NUMB: variants seen among roughly 807,000 people sequenced by gnomAD.
The protein encoded by NUMB is protein numb homolog.
In NUMB, 29 loss-of-function variants were observed where a neutral mutation model predicts 59.7. The observed-to-expected ratio is 0.49, with a 90% CI of 0.36 to 0.66. The LOEUF (loss-of-function observed/expected upper bound fraction) is 0.66, where lower values mean the gene tolerates loss of function less well. Ranked by LOEUF, NUMB falls within the 30% of genes least tolerant of loss-of-function variation. The probability of loss-of-function intolerance (pLI) is 0.00; values close to 1 mark genes in which losing one functional copy is unlikely to be tolerated. For missense variants in NUMB, 723 were observed against 822.0 expected, an observed-to-expected ratio of 0.88 and a Z score of 1.47; for synonymous variants, 288 against 288.2, an observed-to-expected ratio of 1.00 and a Z score of 0.01.
intron 4 of NUMB, among the ~76,000 whole-genome samples, chr14:73,350,074 TACATACACACACAC>T (rs1311477515): frequency 7.6e-6 from 1 of 131,060 alleles, no homozygotes; most frequent in Non-Finnish European, 1.6e-5. Flanking sequence ...CATACATACA[TACATACACACACAC>T]ACACACACAC....
intron 2 of NUMB, among the ~76,000 whole-genome samples, chr14:73,391,806 CT>C (rs1212681830): frequency 2.6e-5 from 4 of 152,210 alleles, no homozygotes; most frequent in Non-Finnish European, 5.9e-5. Flanking sequence ...TTCTGGCAAT[CT>C]CATTAAATGT....
chr14:73,393,333 A>T (rs1019718124), intron 2 of NUMB, among the ~76,000 whole-genome samples: 1 of 152,100 alleles, frequency 6.6e-6, no homozygotes, highest in South Asian at 2.1e-4. Context: ...TAAGGGGGCT[A>T]TCATTCCAAT....
chr14:73,375,019 T>C (rs1249799661), intron 2 of NUMB, among the ~76,000 whole-genome samples: 2 of 152,198 alleles, frequency 1.3e-5, no homozygotes, highest in Admixed American at 1.3e-4. Flanking sequence ...AGAAACCTTG[T>C]TCTTCTAACC....
At chr14:73,422,922 A>C (rs957049511) in intron 1 of NUMB, among the ~76,000 whole-genome samples, 15 of 151,926 alleles carry the variant, frequency 9.9e-5, no homozygotes, top group Non-Finnish European at 1.3e-4. Flanking sequence ...AAAAAAAAAA[A>C]AAACTGTTAT....
chr14:73,389,162 T>C (rs1010008607), intron 2 of NUMB, among the ~76,000 whole-genome samples: 2 of 147,302 alleles, frequency 1.4e-5, no homozygotes, highest in African/African-American at 5.0e-5. Context: ...TCCCAGCTAC[T>C]TGAGAAGCTG....
At chr14:73,282,316 C>T (rs778156162) in intron 11 of NUMB, 43 bp downstream of exon 11, 3 of 1,603,112 alleles carry the variant, frequency 1.9e-6, no homozygotes, top group Non-Finnish European at 2.6e-6. Flanking sequence ...ACTAAAAGTA[C>T]TGGTTGTAAA....
chr14:73,359,055 T>C (rs1225721680), intron 3 of NUMB, among the ~76,000 whole-genome samples: 1 of 152,226 alleles, frequency 6.6e-6, no homozygotes. Context: ...CAGCTATTTA[T>C]TGTTGTACCA....
chr14:73,393,738 ATC>A (rs1265969884), intron 2 of NUMB, among the ~76,000 whole-genome samples: 7 of 152,204 alleles, frequency 4.6e-5, no homozygotes, highest in Non-Finnish European at 8.8e-5. Context: ...CTGGCTCCTA[ATC>A]TAATAAAAGT....
At chr14:73,406,094 T>TG (rs1555379358) in intron 2 of NUMB, among the ~76,000 whole-genome samples, 1 of 112,516 alleles carries the variant, frequency 8.9e-6, no homozygotes. Flanking sequence ...ATATTTTTGT[T>TG]TTTTTTTTTT....
chr14:73,426,664 T>C (rs999121412), intron 1 of NUMB, among the ~76,000 whole-genome samples: 5 of 152,034 alleles, frequency 3.3e-5, no homozygotes, highest in African/African-American at 4.8e-5. Flanking sequence ...CTGACTAATA[T>C]GGTGAAACCC....
chr14:73,395,797 T>C (rs1033820107), intron 2 of NUMB, among the ~76,000 whole-genome samples: 9 of 152,110 alleles, frequency 5.9e-5, no homozygotes, highest in African/African-American at 1.9e-4. Context: ...AATGCATAGT[T>C]TTTCCTGTGT....
intron 1 of NUMB, among the ~76,000 whole-genome samples, chr14:73,412,236 G>A (rs1896928724): frequency 6.6e-6 from 1 of 151,978 alleles, no homozygotes; most frequent in Admixed American, 6.6e-5. Flanking sequence ...ACATTTAATG[G>A]GGACTGATTA....
chr14:73,368,297 C>T (rs917815285), intron 2 of NUMB, among the ~76,000 whole-genome samples: 6 of 152,246 alleles, frequency 3.9e-5, no homozygotes, highest in Admixed American at 1.3e-4. Flanking sequence ...CAATTCGGGC[C>T]GGGCACAGTG....
chr14:73,402,135 G>T (rs1896447931), intron 2 of NUMB, among the ~76,000 whole-genome samples: 1 of 152,142 alleles, frequency 6.6e-6, no homozygotes, highest in Non-Finnish European at 1.5e-5. Context: ...CAAAGTGCTA[G>T]GATTACAGGA....
At chr14:73,402,473 A>G (rs1264386389) in intron 2 of NUMB, among the ~76,000 whole-genome samples, 1 of 152,200 alleles carries the variant, frequency 6.6e-6, no homozygotes, top group African/African-American at 2.4e-5. Flanking sequence ...AGAGAGATTA[A>G]TTGATTTGCC....
intron 1 of NUMB, among the ~76,000 whole-genome samples, chr14:73,437,516 T>G (rs1194671991): frequency 1.3e-5 from 2 of 152,170 alleles, no homozygotes; most frequent in Admixed American, 1.3e-4. Flanking sequence ...GGCTTACAGC[T>G]TGCAATTTTC....
chr14:73,360,353 CGAGACCT>C (rs1384580926), intron 3 of NUMB, among the ~76,000 whole-genome samples: 2 of 152,136 alleles, frequency 1.3e-5, no homozygotes, highest in African/African-American at 4.8e-5. Context: ...GTCAGGAGTT[CGAGACCT>C]GCCTGGCCAA....
At chr14:73,382,682 A>G (rs910332853) in intron 2 of NUMB, among the ~76,000 whole-genome samples, 3 of 152,186 alleles carry the variant, frequency 2.0e-5, no homozygotes, top group Non-Finnish European at 4.4e-5. Context: ...ACTTTTAACT[A>G]CCATCAGAGA....
At chr14:73,413,451 A>C (rs1484875285) in intron 1 of NUMB, among the ~76,000 whole-genome samples, 4 of 151,724 alleles carry the variant, frequency 2.6e-5, no homozygotes, top group Non-Finnish European at 5.9e-5. Context: ...GCTTCTAATG[A>C]TTTGATTCTT....
Sources: allele counts gnomAD v4.1 joint callset (sites outside exome capture counted in the v4.1 genomes callset), GRCh38; gene constraint gnomAD v4.1.1; transcripts MANE v1.5; gene names NCBI Gene and HGNC (gene_info 2026-07-23, HGNC 2026-07-21).